The following NXPH1 variants were observed in gnomAD, a reference collection of about 807,000 sequenced individuals.
NXPH1 encodes neurexophilin 1, also known as neurexophilin-1.
Under a neutral mutation model 23.7 loss-of-function variants are expected in NXPH1, and 5 were observed. The ratio of observed to expected loss-of-function variants is 0.21; its 90% confidence interval spans 0.11 to 0.44. The LOEUF (loss-of-function observed/expected upper bound fraction) is 0.44, where lower values mean the gene tolerates loss of function less well. Among genes scored for constraint, NXPH1 ranks in the 20% least tolerant of loss-of-function variants. The pLI is 0.99. For synonymous variants in NXPH1, 144 were observed against 122.2 expected (o/e 1.18, Z -1.18); for missense variants, 324 against 321.6 (o/e 1.01, Z -0.06).
intron 2 of NXPH1, among the ~76,000 whole-genome samples, chr7:8,582,750 C>T (rs1035249448): frequency 6.6e-6 from 1 of 152,196 alleles, no homozygotes; most frequent in African/African-American, 2.4e-5. Context: ...AGTAAATTCT[C>T]ACTCTGGGTG....
chr7:8,559,009 C>A (rs1182984141), intron 2 of NXPH1, among the ~76,000 whole-genome samples: 2 of 151,742 alleles, frequency 1.3e-5, no homozygotes, highest in Admixed American at 1.3e-4. Context: ...CTCTGTTGCC[C>A]AGGCTGGAGT....
At chr7:8,697,578 T>C (rs1477336787) in intron 2 of NXPH1, among the ~76,000 whole-genome samples, 3 of 152,158 alleles carry the variant, frequency 2.0e-5, no homozygotes, top group Admixed American at 6.6e-5. Context: ...GTGTGTCTCT[T>C]TTTTTGTAAT....
chr7:8,622,356 T>C (rs1489020323), intron 2 of NXPH1, among the ~76,000 whole-genome samples: 2 of 152,206 alleles, frequency 1.3e-5, no homozygotes, highest in African/African-American at 4.8e-5. Context: ...CAAGGGCATA[T>C]AATTAGTGTG....
intron 2 of NXPH1, among the ~76,000 whole-genome samples, chr7:8,749,786 A>G (rs1780533467): frequency 6.6e-6 from 1 of 152,192 alleles, no homozygotes; most frequent in Non-Finnish European, 1.5e-5. Flanking sequence ...GCAAGTCCGC[A>G]TATTGAATGG....
intron 2 of NXPH1, among the ~76,000 whole-genome samples, chr7:8,727,913 G>A (rs112771169): frequency 2.6e-5 from 4 of 151,606 alleles, no homozygotes; most frequent in Admixed American, 6.6e-5. Context: ...CATTGAATCT[G>A]TAAATTACCT....
At chr7:8,699,529 A>G (rs1451600804) in intron 2 of NXPH1, among the ~76,000 whole-genome samples, 3 of 152,212 alleles carry the variant, frequency 2.0e-5, no homozygotes, top group African/African-American at 7.2e-5. Flanking sequence ...TTGAACAGAT[A>G]TGACAGTTTT....
intron 2 of NXPH1, among the ~76,000 whole-genome samples, chr7:8,702,354 A>G (rs1437310435): frequency 6.6e-6 from 1 of 152,110 alleles, no homozygotes; most frequent in Non-Finnish European, 1.5e-5. Context: ...AATAAAACTT[A>G]AAAAAATTAT....
intron 2 of NXPH1, among the ~76,000 whole-genome samples, chr7:8,546,605 A>G (rs1015184673): frequency 6.6e-6 from 1 of 151,400 alleles, no homozygotes; most frequent in Non-Finnish European, 1.5e-5. Context: ...GATACTCATT[A>G]AAAGTTCTCA....
intron 2 of NXPH1, among the ~76,000 whole-genome samples, chr7:8,535,886 A>C (rs980247677): frequency 6.6e-6 from 1 of 151,926 alleles, no homozygotes; most frequent in Non-Finnish European, 1.5e-5. Flanking sequence ...CCTTTTGTTC[A>C]CCTGCTGTTT....
At chr7:8,463,407 G>T (rs1563317583) in intron 2 of NXPH1, among the ~76,000 whole-genome samples, 1 of 151,028 alleles carries the variant, frequency 6.6e-6, no homozygotes. Context: ...TATAAACAGT[G>T]TTGCAATGAC....
intron 2 of NXPH1, among the ~76,000 whole-genome samples, chr7:8,746,760 A>C (rs543696372): frequency 6.6e-6 from 1 of 152,264 alleles, no homozygotes; most frequent in African/African-American, 2.4e-5. Context: ...TATAAGTACA[A>C]ATGTTGCAAA....
intron 2 of NXPH1, among the ~76,000 whole-genome samples, chr7:8,670,384 C>G (rs1452301249): frequency 6.6e-6 from 1 of 152,154 alleles, no homozygotes; most frequent in African/African-American, 2.4e-5. Flanking sequence ...AATGTTAAAA[C>G]CAAATTGGAT....
At chr7:8,724,700 C>T (rs1780020729) in intron 2 of NXPH1, among the ~76,000 whole-genome samples, 3 of 152,154 alleles carry the variant, frequency 2.0e-5, no homozygotes, top group African/African-American at 2.4e-5. Context: ...TAAGACTTGG[C>T]TCTTTTTGTT....
At chr7:8,723,341 C>A (rs1311315479) in intron 2 of NXPH1, among the ~76,000 whole-genome samples, 2 of 152,128 alleles carry the variant, frequency 1.3e-5, no homozygotes, top group Non-Finnish European at 2.9e-5. Flanking sequence ...GATCAAATTT[C>A]TAGAAATTCA....
At chr7:8,566,655 C>T (rs1818551501) in intron 2 of NXPH1, among the ~76,000 whole-genome samples, 2 of 151,770 alleles carry the variant, frequency 1.3e-5, no homozygotes, top group Admixed American at 6.6e-5. Flanking sequence ...ACACCAGTGG[C>T]CCTCATGAGT....
At chr7:8,713,899 T>C (rs1477925330) in intron 2 of NXPH1, among the ~76,000 whole-genome samples, 2 of 152,196 alleles carry the variant, frequency 1.3e-5, no homozygotes, top group African/African-American at 4.8e-5. Flanking sequence ...CCACTGGAAC[T>C]GCACAGGGTC....
intron 2 of NXPH1, among the ~76,000 whole-genome samples, chr7:8,702,006 C>T: frequency 6.6e-6 from 1 of 150,670 alleles, no homozygotes; most frequent in Non-Finnish European, 1.5e-5. Context: ...TAACTATTTG[C>T]TTCCCAAATA....
intron 2 of NXPH1, among the ~76,000 whole-genome samples, chr7:8,659,747 T>C (rs1820642477): frequency 1.4e-5 from 2 of 147,960 alleles, no homozygotes; most frequent in Non-Finnish European, 3.1e-5. Flanking sequence ...AAAATAATAA[T>C]GAAAGAAATT....
At chr7:8,525,063 G>A (rs1277659548) in intron 2 of NXPH1, among the ~76,000 whole-genome samples, 1 of 152,222 alleles carries the variant, frequency 6.6e-6, no homozygotes, top group African/African-American at 2.4e-5. Context: ...ATGTGGGAAA[G>A]TTTGGAACTT....
Sources: gnomAD v4.1 joint callset for allele counts (sites outside exome capture counted in the v4.1 genomes callset) on GRCh38, gnomAD v4.1.1 for gene constraint, MANE v1.5 for transcripts, NCBI Gene and HGNC (gene_info 2026-07-23, HGNC 2026-07-21) for gene names.